The following ATRN variants were observed in gnomAD, a reference collection of about 807,000 sequenced individuals.
ATRN encodes attractin-2.
Under a neutral mutation model 178.7 loss-of-function variants are expected in ATRN, and 54 were observed. The observed-to-expected ratio is 0.30, with a 90% CI of 0.24 to 0.38. The LOEUF is 0.38. Among genes scored for constraint, ATRN ranks in the 10% least tolerant of loss-of-function variants. The probability of loss-of-function intolerance (pLI) is 1.00; values close to 1 mark genes in which losing one functional copy is unlikely to be tolerated. For missense variants in ATRN, 1,443 were observed against 1,815.1 expected (o/e 0.79, Z 3.73); for synonymous variants, 636 against 663.0 (o/e 0.96, Z 0.63).
intron 24 of ATRN, among the ~76,000 whole-genome samples, chr20:3,616,109 G>A (rs1015229002): frequency 1.3e-5 from 2 of 150,734 alleles, no homozygotes; most frequent in African/African-American, 2.4e-5. Flanking sequence ...TTCAGCTTTC[G>A]CTTTGGTTGT....
chr20:3,575,134 T>C (rs934784872), intron 12 of ATRN, among the ~76,000 whole-genome samples: 2 of 152,184 alleles, frequency 1.3e-5, no homozygotes, highest in African/African-American at 4.8e-5. Context: ...CAGCTAATTT[T>C]TCTAGGTTTA....
At chr20:3,573,113 G>A (rs1462063347) in intron 12 of ATRN, among the ~76,000 whole-genome samples, 162 bp downstream of exon 12, 3 of 152,132 alleles carry the variant, frequency 2.0e-5, no homozygotes, top group Non-Finnish European at 4.4e-5. Flanking sequence ...TAATTGGTTT[G>A]TAAACATCTC....
At position 3,551,790 on chromosome 20, in the gene ATRN, G is replaced by T. The variant is rs191347905; in HGVS notation, c.1112+2452G>T. ...TTTTGAAAGATAAAGGTCAGAAAAT[G>T]ATTTCCACAAACTCCTACCACCACA... is the stretch of plus-strand genomic sequence containing the variant. On this transcript the variant is annotated intron_variant, in intron 6 of 28. Coordinates refer to ENST00000262919, the MANE Select transcript of ATRN (RefSeq NM_139321.3). 4.4e-3 allele frequency among the ~76,000 whole-genome samples: 667 copies of T among 152,162 alleles called. 2 individuals carry two copies. The highest frequency in any genetic ancestry group is 0.015 in the African/African-American group (634 of 41,510).
rs758381844 is a variant in ATRN, at chr20:3,562,379, T to C, written c.1551T>C (p.His517=). 4.3e-6 allele frequency: 7 copies of C among 1,614,168 alleles called. No homozygotes were observed. The Middle Eastern group carries it at 4.9e-4, about 114-fold the overall frequency. The part of the protein sequence containing the change: ...YDHRTRALYV[H]GGYKAFSANK... ...ATAGGACCAGGGCCCTATACGTTCA[T>C]GGTGGCTACAAGGCTTTCAGTGCCA... The change falls in exon 9 of 29, where the codon CAT becomes CAC. Residue 517 remains histidine (H), a synonymous_variant. Coordinates refer to ENST00000262919, the MANE Select transcript of ATRN (RefSeq NM_139321.3).
chr20:3,602,963 CA>C (rs3842439), intron 23 of ATRN, among the ~76,000 whole-genome samples: 1,432 of 40,784 alleles, frequency 0.035, 1 homozygote, highest in Non-Finnish European at 0.052. Flanking sequence ...AATTCCATCT[CA>C]AAAAAAAAAA....
chr20:3,591,380 T>TA, intron 19 of ATRN, 74 bp downstream of exon 19: 1 of 1,509,730 alleles, frequency 6.6e-7, no homozygotes, highest in Admixed American at 2.1e-5. Context: ...CTTGAATATC[T>TA]AGGAGGAAAA....
At chr20:3,615,859 C>T (rs534030233) in intron 24 of ATRN, 23 of 452,440 alleles carry the variant, frequency 5.1e-5, no homozygotes, top group East Asian at 4.3e-4. Context: ...CGCATGGACA[C>T]AGGAAGGGGA....
chr20:3,473,693 A>G (rs2084467545), intron 1 of ATRN, among the ~76,000 whole-genome samples: 1 of 152,176 alleles, frequency 6.6e-6, no homozygotes, highest in African/African-American at 2.4e-5. Flanking sequence ...GGATCCTTCA[A>G]GTTCTGAAAA....
At chr20:3,506,711 C>G (rs946069104) in intron 1 of ATRN, among the ~76,000 whole-genome samples, 3 of 151,536 alleles carry the variant, frequency 2.0e-5, no homozygotes, top group Non-Finnish European at 4.4e-5. Flanking sequence ...TGGACACACA[C>G]ACACACACAT....
At chr20:3,491,200 T>C (rs910224659) in intron 1 of ATRN, among the ~76,000 whole-genome samples, 27 of 152,170 alleles carry the variant, frequency 1.8e-4, no homozygotes, top group African/African-American at 6.3e-4. Context: ...TCTCCAAATG[T>C]GGCCTCATTT....
Position 3,591,276 on chromosome 20 carries a change from G to A in ATRN, c.3292G>A (p.Gly1098Ser), listed in dbSNP as rs6139158. 1.2e-6 allele frequency: 2 copies of A among 1,613,988 alleles called. No individual in the cohort carries two copies. The highest frequency in any genetic ancestry group is 1.3e-5 in the African/African-American group (1 of 74,906). Residue 1098 changes from glycine to serine, a missense_variant, in exon 19 of 29, where the codon GGT becomes AGT. Gly to Ser is a moderately conservative substitution (Grantham distance 56). This residue lies in a region of ATRN where 289 missense variants were observed against 440.8 expected (regional missense o/e 0.66). Coordinates refer to ENST00000262919, the MANE Select transcript of ATRN (RefSeq NM_139321.3). ...HCETCISGFYGDPTNGGKCQP... is the reference protein window; with the variant it reads ...HCETCISGFYSDPTNGGKCQP... Reference sequence around the variant, plus strand: ...CGAGACCTGCATATCTGGCTTCTACGGTGATCCCACCAATGGAGGGAAATG... The same window carrying A: ...CGAGACCTGCATATCTGGCTTCTACAGTGATCCCACCAATGGAGGGAAATG...
intron 1 of ATRN, among the ~76,000 whole-genome samples, chr20:3,497,855 T>A (rs1401979944): frequency 6.6e-6 from 1 of 152,190 alleles, no homozygotes; most frequent in African/African-American, 2.4e-5. Context: ...GAGGCTTTGC[T>A]CGTTTCTTTT....
chr20:3,521,769 G>A (rs1814872541), intron 1 of ATRN, among the ~76,000 whole-genome samples: 1 of 152,060 alleles, frequency 6.6e-6, no homozygotes, highest in Admixed American at 6.6e-5. Context: ...ACATTTAAAA[G>A]ATTTGAAACC....
intron 23 of ATRN, among the ~76,000 whole-genome samples, chr20:3,602,963 C>CAA (rs3842439): frequency 0.037 from 1,502 of 40,676 alleles, 139 homozygotes; most frequent in African/African-American, 0.066. Flanking sequence ...AATTCCATCT[C>CAA]AAAAAAAAAA....
chr20:3,489,392 T>G, intron 1 of ATRN: 1 of 614,048 alleles, frequency 1.6e-6, no homozygotes, highest in Non-Finnish European at 2.9e-6. Context: ...CCAGCATGCC[T>G]TGTTTCTACA....
At chr20:3,512,468 C>T (rs1323424022) in intron 1 of ATRN, among the ~76,000 whole-genome samples, 4 of 152,062 alleles carry the variant, frequency 2.6e-5, no homozygotes, top group African/African-American at 4.8e-5. Flanking sequence ...TAGTATTCCA[C>T]AGTGTATATG....
chr20:3,475,251 T>C (rs1016920669), intron 1 of ATRN, among the ~76,000 whole-genome samples: 5 of 152,144 alleles, frequency 3.3e-5, no homozygotes, highest in African/African-American at 9.7e-5. Flanking sequence ...ATTGCCGTTA[T>C]AGGGTTTTTT....
intron 1 of ATRN, among the ~76,000 whole-genome samples, chr20:3,478,921 CTT>C (rs71331052): frequency 8.7e-5 from 11 of 126,020 alleles, no homozygotes; most frequent in Non-Finnish European, 1.2e-4. Flanking sequence ...AATTCATACC[CTT>C]TTTTTTTTTT....
At chr20:3,495,996 A>G (rs551659941) in intron 1 of ATRN, among the ~76,000 whole-genome samples, 2 of 152,292 alleles carry the variant, frequency 1.3e-5, no homozygotes, top group African/African-American at 4.8e-5. Context: ...TTTGTGGATT[A>G]CATTTAGAAC....
Sources: gnomAD v4.1 joint callset for allele counts (sites outside exome capture counted in the v4.1 genomes callset) on GRCh38, gnomAD v4.1.1 for gene constraint, gnomAD v4.1.1 regional missense constraint, MANE v1.5 for transcripts, NCBI Gene and HGNC (gene_info 2026-07-23, HGNC 2026-07-21) for gene names.